The following ARHGAP22 variants were observed in gnomAD, a reference collection of about 807,000 sequenced individuals.
ARHGAP22 encodes the protein Rho GTPase activating protein 22.
Under a neutral mutation model 59.1 loss-of-function variants are expected in ARHGAP22, and 48 were observed. The ratio of observed to expected loss-of-function variants is 0.81; its 90% CI spans 0.64 to 1.03. The LOEUF (loss-of-function observed/expected upper bound fraction) is 1.03, where lower values mean the gene tolerates loss of function less well. ARHGAP22 is among the 50% of genes least tolerant of loss of function. The pLI, the probability that ARHGAP22 is intolerant of heterozygous loss-of-function variation, is 0.00. For missense variants in ARHGAP22, 1,015 were observed against 958.7 expected, an observed-to-expected ratio of 1.06 and a Z score of -0.78; for synonymous variants, 445 against 416.4, an observed-to-expected ratio of 1.07 and a Z score of -0.84.
At chr10:48,442,499 G>A (rs1358686533), downstream of ARHGAP22, among the ~76,000 whole-genome samples, 4 of 152,162 alleles carry the variant, frequency 2.6e-5, no homozygotes, top group South Asian at 2.1e-4. Flanking sequence ...TGTTTCCCTC[G>A]ATTTGATGTG....
chr10:48,468,988 A>C lies in ARHGAP22; in HGVS notation c.452-9097T>G, dbSNP rs185890185. Reference sequence around the variant, plus strand: ...GCCCAGGGACCTGCCAGCTCTGAGCAGCCCTGTCCATGTTAAAGAGCAGGG... The same window carrying C: ...GCCCAGGGACCTGCCAGCTCTGAGCCGCCCTGTCCATGTTAAAGAGCAGGG... On this transcript the variant is annotated intron_variant, in intron 4 of 9. Transcript: ENST00000249601. Among the ~76,000 whole-genome samples the C allele has an allele frequency of 0.011, 1,716 of 152,316 alleles. 53 individuals are homozygous for C. The South Asian group carries it at 0.11, about 10-fold the overall frequency.
At chr10:48,605,125 C>A, upstream of ARHGAP22, 1 of 1,231,646 alleles carries the variant, frequency 8.1e-7, no homozygotes, top group Non-Finnish European at 1.0e-6. Context: ...GCGTGGCTGT[C>A]CAAGCTGAGC....
At chr10:48,456,342 C>T (rs2046504108) in intron 5 of ARHGAP22, among the ~76,000 whole-genome samples, 1 of 152,158 alleles carries the variant, frequency 6.6e-6, no homozygotes. Context: ...ACCCCAAATC[C>T]ATATACCTGG....
At chr10:48,468,852 C>T (rs1051599826) in intron 4 of ARHGAP22, among the ~76,000 whole-genome samples, 1 of 152,110 alleles carries the variant, frequency 6.6e-6, no homozygotes, top group Admixed American at 6.5e-5. Flanking sequence ...GCTGTTTTCT[C>T]CCTCCCCAGA....
chr10:48,501,462 T>C (rs2051515281), intron 3 of ARHGAP22, among the ~76,000 whole-genome samples: 3 of 152,238 alleles, frequency 2.0e-5, no homozygotes, highest in Admixed American at 2.0e-4. Flanking sequence ...TACCAGCATC[T>C]CAAGGGAGGG....
intron 1 of ARHGAP22, among the ~76,000 whole-genome samples, chr10:48,596,092 G>A (rs147731726): frequency 2.0e-5 from 3 of 152,214 alleles, no homozygotes; most frequent in South Asian, 2.1e-4. Flanking sequence ...ATTCTTGAAA[G>A]TTATTTTAAT....
intron 1 of ARHGAP22, among the ~76,000 whole-genome samples, chr10:48,638,933 T>C (rs1464933339): frequency 6.6e-6 from 1 of 151,968 alleles, no homozygotes; most frequent in Admixed American, 6.6e-5. Flanking sequence ...AAAAACACAA[T>C]CATAAATCTT....
intron 3 of ARHGAP22, chr10:48,493,740 G>C: frequency 6.3e-6 from 7 of 1,112,576 alleles, no homozygotes; most frequent in Non-Finnish European, 8.3e-6. Context: ...ATCCCCGCCA[G>C]TGGGAGGTCG....
At chr10:48,600,922 C>T (rs2060343855) in intron 1 of ARHGAP22, among the ~76,000 whole-genome samples, 1 of 152,206 alleles carries the variant, frequency 6.6e-6, no homozygotes, top group Non-Finnish European at 1.5e-5. Context: ...TCTGAGGCCT[C>T]TAGTCCCTGG....
downstream of ARHGAP22, among the ~76,000 whole-genome samples, chr10:48,441,891 T>C (rs1171292283): frequency 6.6e-6 from 1 of 152,224 alleles, no homozygotes. Context: ...TGCCTCTTAC[T>C]GTTACTTGAC....
chr10:48,484,271 T>C (rs2049631651), intron 3 of ARHGAP22, among the ~76,000 whole-genome samples: 1 of 152,264 alleles, frequency 6.6e-6, no homozygotes, highest in East Asian at 1.9e-4. Context: ...AGTATATCTT[T>C]TTAGTGTGTT....
intron 3 of ARHGAP22, among the ~76,000 whole-genome samples, chr10:48,531,217 G>A (rs1008315885): frequency 2.0e-5 from 3 of 152,192 alleles, no homozygotes; most frequent in African/African-American, 7.2e-5. Flanking sequence ...TGGGAGCTAA[G>A]TTATGGGATG....
At chr10:48,528,158 A>G (rs572302134) in intron 3 of ARHGAP22, among the ~76,000 whole-genome samples, 1 of 152,296 alleles carries the variant, frequency 6.6e-6, no homozygotes, top group Admixed American at 6.5e-5. Flanking sequence ...CCCTGGTCCC[A>G]GATATGCCCC....
chr10:48,439,619 T>C, the ARHGAP22 span, among the ~76,000 whole-genome samples: 1 of 152,150 alleles, frequency 6.6e-6, no homozygotes, highest in African/African-American at 2.4e-5. Flanking sequence ...ACCTAGTTCT[T>C]GGTAGACATA....
intron 3 of ARHGAP22, among the ~76,000 whole-genome samples, chr10:48,492,322 A>T (rs967691279): frequency 2.6e-5 from 4 of 152,152 alleles, no homozygotes; most frequent in Non-Finnish European, 5.9e-5. Context: ...ATGATTTGTC[A>T]CAGGGCCCAC....
chr10:48,630,642 A>C (rs557000899), intron 1 of ARHGAP22, among the ~76,000 whole-genome samples: 1 of 152,346 alleles, frequency 6.6e-6, no homozygotes, highest in Admixed American at 6.5e-5. Context: ...TATTAACCTT[A>C]TATCCTGTGA....
intron 1 of ARHGAP22, among the ~76,000 whole-genome samples, chr10:48,622,516 T>C (rs572815677): frequency 6.6e-6 from 1 of 152,340 alleles, no homozygotes; most frequent in African/African-American, 2.4e-5. Context: ...TCAATACATG[T>C]ATACAATGTT....
At chr10:48,606,585 G>A (rs892984302), upstream of ARHGAP22, among the ~76,000 whole-genome samples, 2 of 152,094 alleles carry the variant, frequency 1.3e-5, no homozygotes, top group African/African-American at 2.4e-5. Flanking sequence ...CACATACAGC[G>A]CCTGCTCCTG....
chr10:48,638,810 C>T (rs2061929036), intron 1 of ARHGAP22, among the ~76,000 whole-genome samples: 1 of 152,090 alleles, frequency 6.6e-6, no homozygotes, highest in Non-Finnish European at 1.5e-5. Context: ...ATAATGCCTG[C>T]AAGATCGTGC....
Sources: allele counts gnomAD v4.1 joint callset (sites outside exome capture counted in the v4.1 genomes callset), GRCh38; gene constraint gnomAD v4.1.1; transcripts MANE v1.5; gene names NCBI Gene and HGNC (gene_info 2026-07-23, HGNC 2026-07-21).